Variants in SV2C observed in about 807,000 individuals in gnomAD.
The protein encoded by SV2C is synaptic vesicle glycoprotein 2C.
Under a neutral mutation model 79.7 loss-of-function variants are expected in SV2C, and 49 were observed. The observed-to-expected ratio is 0.61, with a 90% CI of 0.49 to 0.78. The LOEUF is 0.78. Ranked by LOEUF, SV2C falls within the 30% of genes least tolerant of loss-of-function variation. The pLI is 0.00. For missense variants in SV2C, 833 were observed against 912.9 expected, an observed-to-expected ratio of 0.91 and a Z score of 1.13; for synonymous variants, 334 against 333.2, an observed-to-expected ratio of 1.00 and a Z score of -0.03.
At chr5:75,986,036 C>G in the SV2C span, among the ~76,000 whole-genome samples, 1 of 148,356 alleles carries the variant, frequency 6.7e-6, no homozygotes, top group African/African-American at 2.5e-5. Context: ...TGTAGTGTTA[C>G]AATATACACC....
chr5:76,269,073 G>A (rs1746760592), intron 4 of SV2C, among the ~76,000 whole-genome samples: 1 of 152,178 alleles, frequency 6.6e-6, no homozygotes, highest in Non-Finnish European at 1.5e-5. Context: ...CTAGTTCACA[G>A]CAAGATTTCT....
At chr5:76,276,155 A>T (rs892308649) in intron 4 of SV2C, among the ~76,000 whole-genome samples, 2 of 152,228 alleles carry the variant, frequency 1.3e-5, no homozygotes, top group African/African-American at 4.8e-5. Flanking sequence ...TAAGCCACTT[A>T]AAATGGAGCT....
chr5:76,167,295 C>T (rs1743074795), intron 2 of SV2C, among the ~76,000 whole-genome samples: 1 of 152,226 alleles, frequency 6.6e-6, no homozygotes, highest in Admixed American at 6.5e-5. Flanking sequence ...TTAGTTTTCT[C>T]ATCTGTAAAA....
chr5:76,046,273 A>AT, the SV2C span, among the ~76,000 whole-genome samples: 3,894 of 152,304 alleles, frequency 0.026, 180 homozygotes, highest in African/African-American at 0.09. Context: ...AGGCCACCCC[A>AT]TCACTGTACC....
At chr5:75,956,521 A>G in the SV2C span, among the ~76,000 whole-genome samples, 1 of 152,112 alleles carries the variant, frequency 6.6e-6, no homozygotes, top group South Asian at 2.1e-4. Context: ...CATTGTGCAC[A>G]TGTACTCTAA....
At chr5:75,847,828 A>C in the SV2C span, among the ~76,000 whole-genome samples, 1 of 152,148 alleles carries the variant, frequency 6.6e-6, no homozygotes, top group Non-Finnish European at 1.5e-5. Flanking sequence ...AAGTAGTGTA[A>C]TGATTGCACT....
intron 2 of SV2C, among the ~76,000 whole-genome samples, chr5:76,181,169 T>A (rs1743708200): frequency 6.6e-6 from 1 of 152,118 alleles, no homozygotes; most frequent in Non-Finnish European, 1.5e-5. Flanking sequence ...AGTCCATAAA[T>A]GACAACCAAC....
intron 3 of SV2C, among the ~76,000 whole-genome samples, chr5:76,205,751 A>G (rs116656247): frequency 2.5e-4 from 38 of 151,258 alleles, no homozygotes; most frequent in Non-Finnish European, 4.9e-4. Context: ...TATTTTCCAC[A>G]TTAGCCCCCC....
chr5:75,989,175 G>A, the SV2C span, among the ~76,000 whole-genome samples: 73 of 151,660 alleles, frequency 4.8e-4, no homozygotes, highest in South Asian at 7.5e-3. Context: ...ATGGGTACAC[G>A]TGCAGGAGAA....
At chr5:75,933,544 C>T in the SV2C span, among the ~76,000 whole-genome samples, 9 of 152,174 alleles carry the variant, frequency 5.9e-5, no homozygotes, top group Non-Finnish European at 8.8e-5. Flanking sequence ...AGTCGCTATT[C>T]AAGGAGCCAG....
At chr5:75,904,112 C>A in the SV2C span, among the ~76,000 whole-genome samples, 1 of 152,142 alleles carries the variant, frequency 6.6e-6, no homozygotes, top group African/African-American at 2.4e-5. Flanking sequence ...GTGCTCTTCA[C>A]AGCTCAGTAA....
chr5:76,346,040 C>T (rs951406946), intron 12 of SV2C, among the ~76,000 whole-genome samples: 3 of 152,178 alleles, frequency 2.0e-5, no homozygotes, highest in Admixed American at 6.5e-5. Flanking sequence ...TATTTAACAA[C>T]GATCTCTCCA....
At chr5:75,958,893 A>T in the SV2C span, among the ~76,000 whole-genome samples, 1 of 151,920 alleles carries the variant, frequency 6.6e-6, no homozygotes, top group Non-Finnish European at 1.5e-5. Context: ...TGAAGTATTC[A>T]TTGGGATAAG....
the SV2C span, among the ~76,000 whole-genome samples, chr5:76,057,308 T>A: frequency 6.6e-6 from 1 of 152,070 alleles, no homozygotes; most frequent in African/African-American, 2.4e-5. Context: ...ATACATGTGC[T>A]ATGTTGGTGT....
the SV2C span, among the ~76,000 whole-genome samples, chr5:75,991,956 G>A: frequency 6.6e-6 from 1 of 151,416 alleles, no homozygotes; most frequent in Admixed American, 6.6e-5. Context: ...CATTATTTTT[G>A]TTTTGCAATT....
At chr5:75,984,045 A>G in the SV2C span, among the ~76,000 whole-genome samples, 1 of 152,236 alleles carries the variant, frequency 6.6e-6, no homozygotes, top group East Asian at 1.9e-4. Context: ...AAGTCAGTCT[A>G]TAGCCATGTG....
chr5:76,058,470 T>A, the SV2C span, among the ~76,000 whole-genome samples: 1 of 152,112 alleles, frequency 6.6e-6, no homozygotes, highest in Admixed American at 6.6e-5. Flanking sequence ...AAAGTCAGGT[T>A]TATTTGCTCC....
the SV2C span, among the ~76,000 whole-genome samples, chr5:75,930,035 AG>A: frequency 6.6e-6 from 1 of 152,222 alleles, no homozygotes; most frequent in Non-Finnish European, 1.5e-5. Flanking sequence ...TGAAAGGAAA[AG>A]CTTAATGAGA....
At chr5:75,968,065 C>A in the SV2C span, among the ~76,000 whole-genome samples, 1 of 152,214 alleles carries the variant, frequency 6.6e-6, no homozygotes, top group Admixed American at 6.5e-5. Flanking sequence ...CAAACAGGGT[C>A]TGGAATGGAC....
Sources: gnomAD v4.1 joint callset for allele counts (sites outside exome capture counted in the v4.1 genomes callset) on GRCh38, gnomAD v4.1.1 for gene constraint, MANE v1.5 for transcripts, NCBI Gene and HGNC (gene_info 2026-07-23, HGNC 2026-07-21) for gene names.